GRID2: variants seen among roughly 807,000 people sequenced by gnomAD.
The protein encoded by GRID2 is glutamate ionotropic receptor delta type subunit 2.
GRID2 carries 33 observed loss-of-function variants against 114.8 expected under a neutral mutation model. The ratio of observed to expected loss-of-function variants is 0.29; its 90% CI spans 0.22 to 0.38. The LOEUF (loss-of-function observed/expected upper bound fraction) is 0.38, where lower values mean the gene tolerates loss of function less well. Among genes scored for constraint, GRID2 ranks in the 10% least tolerant of loss-of-function variants. GRID2 has a pLI of 1.00. For missense variants in GRID2, 1,184 were observed against 1,257.7 expected (o/e 0.94, Z 0.89); for synonymous variants, 505 against 449.9 (o/e 1.12, Z -1.55).
chr4:93,453,936 A>G lies in GRID2; in HGVS notation c.1546-1726A>G, dbSNP rs181753822. Among the ~76,000 whole-genome samples, 174 of 152,202 alleles carry G rather than the reference A, an allele frequency of 1.1e-3. 3 individuals carry two copies. The highest frequency in any genetic ancestry group is 7.4e-5 in the Non-Finnish European group (5 of 67,982). ...AAGATAAATGAGTCAGCTCACAATA[A>G]TGAAACTGAACAGTTACATTCATTT... On this transcript the variant is annotated intron_variant, in intron 10 of 15. Transcript: ENST00000282020.
intron 1 of GRID2, among the ~76,000 whole-genome samples, chr4:92,576,456 T>G (rs1727898214): frequency 6.6e-6 from 1 of 152,148 alleles, no homozygotes; most frequent in African/African-American, 2.4e-5. Context: ...TCCTGTGAGA[T>G]GCTATGGAAG....
At chr4:93,191,110 AATTT>A (rs1740937686) in intron 4 of GRID2, among the ~76,000 whole-genome samples, 1 of 152,068 alleles carries the variant, frequency 6.6e-6, no homozygotes, top group Admixed American at 6.6e-5. Flanking sequence ...TGCAAAATAA[AATTT>A]AATAAAATTA....
chr4:92,985,519 A>G (rs1054659020), intron 2 of GRID2, among the ~76,000 whole-genome samples: 5 of 152,090 alleles, frequency 3.3e-5, no homozygotes, highest in Non-Finnish European at 5.9e-5. Flanking sequence ...TTACAGGCGT[A>G]AGCCACCGCG....
chr4:92,793,437 A>G (rs1486803700), intron 2 of GRID2, among the ~76,000 whole-genome samples: 1 of 151,702 alleles, frequency 6.6e-6, no homozygotes, highest in Non-Finnish European at 1.5e-5. Context: ...AAAATAACTA[A>G]TGGGTACTAG....
chr4:92,483,162 A>G (rs781261632), intron 1 of GRID2, among the ~76,000 whole-genome samples: 16 of 152,086 alleles, frequency 1.1e-4, no homozygotes, highest in Non-Finnish European at 1.8e-4. Flanking sequence ...ATATGGCGAA[A>G]ACCTGTCTCT....
intron 13 of GRID2, among the ~76,000 whole-genome samples, chr4:93,554,768 C>A (rs180699854): frequency 1.5e-4 from 23 of 152,220 alleles, no homozygotes; most frequent in Middle Eastern, 3.4e-3. Context: ...GTGAGTTAGG[C>A]CATTCTTACA....
chr4:92,362,339 T>C (rs1728654895), intron 1 of GRID2, among the ~76,000 whole-genome samples: 1 of 150,912 alleles, frequency 6.6e-6, no homozygotes. Context: ...AAGTGGGAAG[T>C]ATGATTTTTT....
intron 2 of GRID2, among the ~76,000 whole-genome samples, chr4:92,850,912 T>A (rs1360980638): frequency 6.6e-6 from 1 of 151,942 alleles, no homozygotes; most frequent in African/African-American, 2.4e-5. Flanking sequence ...ATATAATGGC[T>A]TTATTTTAGG....
At chr4:92,381,953 A>G (rs1427841704) in intron 1 of GRID2, among the ~76,000 whole-genome samples, 1 of 151,966 alleles carries the variant, frequency 6.6e-6, no homozygotes. Flanking sequence ...ATTTATTACT[A>G]TTTTTTCAAG....
chr4:92,840,305 A>T (rs1742790398), intron 2 of GRID2, among the ~76,000 whole-genome samples: 1 of 151,932 alleles, frequency 6.6e-6, no homozygotes, highest in Admixed American at 6.6e-5. Flanking sequence ...AGGGAAATTT[A>T]GTTCATTTAC....
At chr4:93,573,712 A>G (rs1224605346) in intron 13 of GRID2, among the ~76,000 whole-genome samples, 2 of 152,138 alleles carry the variant, frequency 1.3e-5, no homozygotes, top group African/African-American at 4.8e-5. Context: ...GTATATCTCT[A>G]GTATGCTAAT....
intron 1 of GRID2, among the ~76,000 whole-genome samples, chr4:92,471,011 A>G (rs563059051): frequency 6.6e-6 from 1 of 152,026 alleles, no homozygotes; most frequent in Non-Finnish European, 1.5e-5. Flanking sequence ...ATATTGTAAC[A>G]CAGGGTACAA....
rs566377814 is a variant in GRID2 at position 93,386,354 on chromosome 4, G to A, written c.1246-9253G>A. Among the ~76,000 whole-genome samples the A allele has an allele frequency of 3.1e-4, 47 of 152,112 alleles. 3 individuals are homozygous for A. The South Asian group carries it at 9.3e-3, about 30-fold the overall frequency. On this transcript the variant is annotated intron_variant, in intron 8 of 15. Transcript: ENST00000282020. The stretch of plus-strand genomic sequence containing the variant: ...TCAGGATAATTCTGACAGGATTATA[G>A]CAAAAAAAGATTAAATAATATCTAA...
intron 2 of GRID2, among the ~76,000 whole-genome samples, chr4:92,940,544 T>C (rs955415964): frequency 2.5e-4 from 38 of 152,216 alleles, no homozygotes; most frequent in Non-Finnish European, 4.8e-4. Context: ...CATTTCCTAA[T>C]TGAATGCCCT....
At chr4:92,529,236 A>T (rs1047767076) in intron 1 of GRID2, among the ~76,000 whole-genome samples, 2 of 152,014 alleles carry the variant, frequency 1.3e-5, no homozygotes, top group Non-Finnish European at 2.9e-5. Flanking sequence ...TTTGGCAATA[A>T]CCAGATTGCC....
At chr4:93,124,489 C>G (rs1560904566) in intron 4 of GRID2, among the ~76,000 whole-genome samples, 1 of 152,084 alleles carries the variant, frequency 6.6e-6, no homozygotes, top group Non-Finnish European at 1.5e-5. Context: ...AGACCAAAAC[C>G]ATAGATTACC....
At chr4:92,974,933 G>A (rs1368595045) in intron 2 of GRID2, among the ~76,000 whole-genome samples, 4 of 139,466 alleles carry the variant, frequency 2.9e-5, no homozygotes, top group East Asian at 2.1e-4. Flanking sequence ...CGAGGCGGGC[G>A]GATCACAAGG....
At position 92,731,231 on chromosome 4, in the gene GRID2, A is replaced by ATT. The variant is rs35176432; in HGVS notation, c.244+140955_244+140956dup. Reference sequence around the variant, plus strand: ...TCTAGCTAATTTTAGACAATAAGTGATTTTTTTTTTTCTTTCTTTCTTTCT... The same window carrying ATT: ...TCTAGCTAATTTTAGACAATAAGTGATTTTTTTTTTTTTCTTTCTTTCTTTCT... On this transcript the variant is annotated intron_variant, in intron 2 of 15. Coordinates refer to ENST00000282020, the MANE Select transcript of GRID2 (RefSeq NM_001510.4). Among the ~76,000 whole-genome samples the ATT allele has an allele frequency of 2.4e-3, 351 of 149,198 alleles. 1 individual carries two copies. The highest frequency in any genetic ancestry group is 5.9e-3 in the Admixed American group (88 of 14,914).
chr4:93,544,603 C>A (rs905119035), intron 13 of GRID2, among the ~76,000 whole-genome samples: 2 of 151,608 alleles, frequency 1.3e-5, no homozygotes, highest in Non-Finnish European at 2.9e-5. Flanking sequence ...CATGGAGAAA[C>A]CCCGTCTCTA....
Sources: gnomAD v4.1 joint callset for allele counts (sites outside exome capture counted in the v4.1 genomes callset) on GRCh38, gnomAD v4.1.1 for gene constraint, MANE v1.5 for transcripts, NCBI Gene and HGNC (gene_info 2026-07-23, HGNC 2026-07-21) for gene names.